Variants in NEDD4L observed in about 807,000 individuals in gnomAD.
NEDD4L encodes NEDD4 like E3 ubiquitin protein ligase, also known as E3 ubiquitin-protein ligase NEDD4-like.
NEDD4L carries 54 observed loss-of-function variants against 148.9 expected under a neutral mutation model. The ratio of observed to expected loss-of-function variants is 0.36; its 90% CI spans 0.29 to 0.45. NEDD4L has a LOEUF of 0.45. NEDD4L is among the 20% of genes least tolerant of loss of function. NEDD4L has a pLI of 1.00. For missense variants in NEDD4L, 856 were observed against 1,233.8 expected (o/e 0.69, Z 4.59); for synonymous variants, 433 against 440.7 (o/e 0.98, Z 0.22).
chr18:58,240,058 T>G (rs1024450723), intron 2 of NEDD4L, among the ~76,000 whole-genome samples: 12 of 152,356 alleles, frequency 7.9e-5, no homozygotes, highest in Admixed American at 5.2e-4. Context: ...CTGAGTATCT[T>G]GGCATCTGTC....
intron 5 of NEDD4L, among the ~76,000 whole-genome samples, chr18:58,285,058 A>G (rs769163421): frequency 6.6e-6 from 1 of 152,244 alleles, no homozygotes; most frequent in Non-Finnish European, 1.5e-5. Context: ...AATTCTGAGT[A>G]GATGCTTCCA....
At chr18:58,073,554 C>T (rs1011498629) in intron 1 of NEDD4L, among the ~76,000 whole-genome samples, 6 of 152,186 alleles carry the variant, frequency 3.9e-5, no homozygotes, top group Admixed American at 6.5e-5. Context: ...CCACTAAGCT[C>T]AGATAAATGC....
intron 1 of NEDD4L, among the ~76,000 whole-genome samples, chr18:58,061,704 G>A (rs2144701423): frequency 6.6e-6 from 1 of 152,192 alleles, no homozygotes; most frequent in South Asian, 2.1e-4. Flanking sequence ...TATAATTAAG[G>A]TAAAATGTAA....
intron 5 of NEDD4L, among the ~76,000 whole-genome samples, chr18:58,279,308 A>G (rs1394021743): frequency 6.6e-6 from 1 of 152,228 alleles, no homozygotes. Flanking sequence ...AATGGACTGA[A>G]CTAAGTAGTA....
chr18:58,323,956 A>G (rs1315911870), intron 8 of NEDD4L, among the ~76,000 whole-genome samples: 3 of 152,204 alleles, frequency 2.0e-5, no homozygotes, highest in African/African-American at 7.2e-5. Context: ...CAAAGTGTCC[A>G]TTAAACGAGA....
At chr18:58,057,200 A>T (rs1279352770) in intron 1 of NEDD4L, among the ~76,000 whole-genome samples, 1 of 151,600 alleles carries the variant, frequency 6.6e-6, no homozygotes, top group East Asian at 1.9e-4. Flanking sequence ...TGACCCGAAT[A>T]TGCAGCTAAG....
chr18:58,196,991 C>T (rs1227310026), intron 2 of NEDD4L, among the ~76,000 whole-genome samples: 1 of 152,098 alleles, frequency 6.6e-6, no homozygotes, highest in Non-Finnish European at 1.5e-5. Context: ...TCAGAAAGAA[C>T]ATTTGCCAGA....
intron 5 of NEDD4L, among the ~76,000 whole-genome samples, chr18:58,301,846 A>C (rs151264265): frequency 1.6e-4 from 24 of 152,354 alleles, no homozygotes; most frequent in African/African-American, 5.3e-4. Context: ...CCCCAAGCCC[A>C]GCTCTGTCAT....
At chr18:58,287,210 G>C (rs562775897) in intron 5 of NEDD4L, among the ~76,000 whole-genome samples, 7 of 151,374 alleles carry the variant, frequency 4.6e-5, no homozygotes, top group Non-Finnish European at 1.0e-4. Context: ...TGATCAAAAA[G>C]GCAGCTCTCA....
chr18:58,303,135 A>G (rs1267055876), intron 5 of NEDD4L, among the ~76,000 whole-genome samples: 1 of 152,208 alleles, frequency 6.6e-6, no homozygotes, highest in African/African-American at 2.4e-5. Context: ...CACTTCTTGC[A>G]AGCATGGGCA....
chr18:58,164,139 C>T (rs2036561800), intron 1 of NEDD4L, among the ~76,000 whole-genome samples: 1 of 151,642 alleles, frequency 6.6e-6, no homozygotes, highest in African/African-American at 2.4e-5. Flanking sequence ...TGCTGTGGCC[C>T]TTGGTGACCC....
intron 1 of NEDD4L, among the ~76,000 whole-genome samples, chr18:58,068,366 A>AT (rs2082713393): frequency 6.6e-6 from 1 of 151,718 alleles, no homozygotes; most frequent in South Asian, 2.1e-4. Context: ...CGCCTGACTA[A>AT]TTTTTTGTAT....
chr18:58,082,788 C>CAAA (rs376651872), intron 1 of NEDD4L, among the ~76,000 whole-genome samples: 5 of 68,384 alleles, frequency 7.3e-5, no homozygotes, highest in African/African-American at 1.7e-4. Context: ...GACTCCATCT[C>CAAA]AAAAAAAAAA....
chr18:58,241,313 C>T (rs1030222311), intron 2 of NEDD4L, among the ~76,000 whole-genome samples: 1 of 152,192 alleles, frequency 6.6e-6, no homozygotes, highest in African/African-American at 2.4e-5. Flanking sequence ...CAGGAATGGC[C>T]GACTCCTTGT....
At chr18:58,205,242 G>T (rs2041860644) in intron 2 of NEDD4L, among the ~76,000 whole-genome samples, 1 of 152,150 alleles carries the variant, frequency 6.6e-6, no homozygotes, top group Non-Finnish European at 1.5e-5. Context: ...GCTAGCACAG[G>T]CACAGTTGTG....
At chr18:58,196,949 G>A (rs2040779094) in intron 2 of NEDD4L, among the ~76,000 whole-genome samples, 1 of 151,960 alleles carries the variant, frequency 6.6e-6, no homozygotes, top group African/African-American at 2.4e-5. Context: ...TGAGGAGGAG[G>A]GCACCGAGCA....
At position 58,257,664 on chromosome 18, in the gene NEDD4L, T is replaced by G. The variant is rs967457623; in HGVS notation, c.297+5610T>G. 2.0e-5 allele frequency among the ~76,000 whole-genome samples: 3 copies of G among 152,132 alleles called. No homozygotes were observed. The South Asian group carries it at 6.2e-4, about 32-fold the overall frequency. On this transcript the variant is annotated intron_variant, in intron 5 of 30. Coordinates refer to ENST00000400345, the MANE Select transcript of NEDD4L (RefSeq NM_001144967.3). Reference sequence around the variant, plus strand: ...GTTTCTCTGTTCCTGATCGCTCCCTTTCAGTGAAATGGAGTACAGAGAGAC... The same window carrying G: ...GTTTCTCTGTTCCTGATCGCTCCCTGTCAGTGAAATGGAGTACAGAGAGAC...
Position 58,044,595 on chromosome 18 carries a change from A to G in NEDD4L, c.-66A>G. 1 of 1,512,574 alleles carries G rather than the reference A, an allele frequency of 6.6e-7. No homozygotes were observed. The highest frequency in any genetic ancestry group is 8.8e-7 in the Non-Finnish European group (1 of 1,130,162). The allele number at this position is 1,512,574 out of a possible 1,614,324, so 93.7% of individuals were successfully genotyped here. A position where few individuals can be genotyped will look rare whatever the true frequency, so the allele number is the denominator to read the frequency against. The stretch of plus-strand genomic sequence containing the variant: ...GGGGGACCTGGAGGCAGAGGGGAGA[A>G]CCGGCCGTCCGCGCCGCAGCACAGC... On this transcript the variant is annotated 5_prime_UTR_variant, in exon 1 of 31. Transcript: ENST00000400345.
intron 26 of NEDD4L, 107 bp downstream of exon 26, chr18:58,385,693 G>T: frequency 2.2e-6 from 2 of 899,490 alleles, no homozygotes; most frequent in Non-Finnish European, 3.6e-6. Flanking sequence ...AGAGACAGAG[G>T]CGAGGCTGGG....
Sources: gnomAD v4.1 joint callset for allele counts (sites outside exome capture counted in the v4.1 genomes callset) on GRCh38, gnomAD v4.1.1 for gene constraint, MANE v1.5 for transcripts, NCBI Gene and HGNC (gene_info 2026-07-23, HGNC 2026-07-21) for gene names.